Variants in INVS observed in about 807,000 individuals in gnomAD.
INVS encodes the protein inversin.
A neutral mutation model predicts 108.8 loss-of-function variants in INVS; 86 were observed. The observed-to-expected ratio is 0.79, with a 90% CI of 0.66 to 0.95. The LOEUF is 0.95. Among genes scored for constraint, INVS ranks in the 40% least tolerant of loss-of-function variants. The pLI is 0.00. For missense variants in INVS, 1,169 were observed against 1,297.4 expected (o/e 0.90, Z 1.52); for synonymous variants, 455 against 473.5 (o/e 0.96, Z 0.51).
chr9:100,245,368 C>T (rs953834649), intron 7 of INVS, among the ~76,000 whole-genome samples: 8 of 152,306 alleles, frequency 5.3e-5, no homozygotes, highest in Middle Eastern at 3.4e-3. Flanking sequence ...CAACCTCCGT[C>T]TCCCGGGTTC....
At chr9:100,194,370 T>C (rs915109462) in intron 3 of INVS, among the ~76,000 whole-genome samples, 3 of 152,250 alleles carry the variant, frequency 2.0e-5, no homozygotes, top group Non-Finnish European at 4.4e-5. Context: ...TTGTCATTTG[T>C]AGGTCTTTGA....
At position 100,100,928 on chromosome 9, in the gene INVS, A is replaced by AT. The variant is rs1163636437; in HGVS notation, c.-25+1512_-25+1513insT. ...GTATATATATTATATGTATATATAT[A>AT]ATATATATAATATATATACATATAT... On this transcript the variant is annotated intron_variant, in intron 1 of 16. Coordinates refer to ENST00000262457, the MANE Select transcript of INVS (RefSeq NM_014425.5). 1.0e-3 allele frequency among the ~76,000 whole-genome samples: 24 copies of AT among 23,230 alleles called. 1 individual carries two copies. The highest frequency in any genetic ancestry group is 4.4e-3 in the African/African-American group (14 of 3,204). 15.2% of individuals were successfully genotyped at this position (23,230 alleles called of 152,430 possible). A position where few individuals can be genotyped will look rare whatever the true frequency, so the allele number is the denominator to read the frequency against.
intron 3 of INVS, among the ~76,000 whole-genome samples, chr9:100,188,808 A>G (rs957248723): frequency 3.3e-5 from 5 of 152,058 alleles, no homozygotes; most frequent in African/African-American, 1.2e-4. Context: ...CTGTGAATCC[A>G]TCTGACCTTG....
intron 12 of INVS, among the ~76,000 whole-genome samples, chr9:100,274,722 C>G (rs1833065792): frequency 6.6e-6 from 1 of 152,134 alleles, no homozygotes; most frequent in South Asian, 2.1e-4. Flanking sequence ...CCAGGCTGGT[C>G]TCGAACTCCT....
At chr9:100,143,739 G>A (rs1828508198) in intron 3 of INVS, among the ~76,000 whole-genome samples, 1 of 152,010 alleles carries the variant, frequency 6.6e-6, no homozygotes, top group Non-Finnish European at 1.5e-5. Context: ...TGGCACCAGA[G>A]TTGGGGAGTT....
At chr9:100,259,451 A>T (rs1300549435) in intron 10 of INVS, among the ~76,000 whole-genome samples, 1 of 151,338 alleles carries the variant, frequency 6.6e-6, no homozygotes, top group South Asian at 2.1e-4. Flanking sequence ...AGTGAGATGA[A>T]CCCGGTACCT....
Position 100,252,429 on chromosome 9 carries a change from C to G in INVS, c.1225C>G (p.Leu409Val). The stretch of plus-strand genomic sequence containing the variant: ...GGGACACAAAGATGTGATTCAGACA[C>G]TCATTAAAGGTGGGCTAATAAGAGT... ...EMGHKDVIQTLIKGGARVDLV... is the reference protein window; with the variant it reads ...EMGHKDVIQTVIKGGARVDLV... Residue 409 changes from leucine to valine, a missense_variant, in exon 9 of 17, where the codon CTC (leucine) becomes GTC (valine). Physicochemically the swap from Leu to Val is conservative, Grantham distance 32. Coordinates refer to ENST00000262457, the MANE Select transcript of INVS (RefSeq NM_014425.5). The G allele has an allele frequency of 6.2e-7, 1 of 1,613,812 alleles. No individual in the cohort carries two copies.
At chr9:100,123,564 C>T (rs1425937002) in intron 2 of INVS, among the ~76,000 whole-genome samples, 1 of 152,108 alleles carries the variant, frequency 6.6e-6, no homozygotes, top group East Asian at 1.9e-4. Context: ...AATAATACTG[C>T]AATGGATATT....
intron 2 of INVS, among the ~76,000 whole-genome samples, chr9:100,113,058 A>G (rs1407999844): frequency 6.6e-6 from 1 of 152,240 alleles, no homozygotes; most frequent in Admixed American, 6.5e-5. Context: ...TATAAGTATC[A>G]CTGACTCCAG....
At chr9:100,133,338 ATGTG>A (rs140513551) in intron 3 of INVS, among the ~76,000 whole-genome samples, 36 of 146,542 alleles carry the variant, frequency 2.5e-4, no homozygotes, top group East Asian at 1.2e-3. Flanking sequence ...CCTTTACTTT[ATGTG>A]TGTGTGTGTG....
chr9:100,100,670 ATG>A lies in INVS; in HGVS notation c.-25+1256_-25+1257del, dbSNP rs1236239854. Among the ~76,000 whole-genome samples, 232 of 37,538 alleles carry A rather than the reference ATG, an allele frequency of 6.2e-3. 10 individuals carry two copies. Among genetic ancestry groups the A allele is most frequent in the South Asian group, 7.9e-3 (14 of 1,764 alleles). 24.6% of individuals were successfully genotyped at this position (37,538 alleles called of 152,430 possible). ...TGTATATATAATATATATATTATATATGTACATATAATATATATATTATATAT... is the reference window on the plus strand; with the variant it reads ...TGTATATATAATATATATATTATATATACATATAATATATATATTATATAT... On this transcript the variant is annotated intron_variant, in intron 1 of 16. Transcript: ENST00000262457.
chr9:100,131,662 A>G (rs1177220698), intron 3 of INVS, among the ~76,000 whole-genome samples: 1 of 152,168 alleles, frequency 6.6e-6, no homozygotes, highest in Non-Finnish European at 1.5e-5. Flanking sequence ...AGCTTTAGAA[A>G]TATTAGTATA....
At chr9:100,141,325 T>C (rs1010897435) in intron 3 of INVS, among the ~76,000 whole-genome samples, 2 of 152,144 alleles carry the variant, frequency 1.3e-5, no homozygotes, top group Non-Finnish European at 2.9e-5. Context: ...CCTTTTTAAG[T>C]TGGTGGCTGA....
At chr9:100,158,429 A>C (rs1427028746) in intron 3 of INVS, among the ~76,000 whole-genome samples, 1 of 152,190 alleles carries the variant, frequency 6.6e-6, no homozygotes, top group Admixed American at 6.5e-5. Context: ...ACCTATATTG[A>C]TTCTAGTCCC....
chr9:100,139,713 G>T (rs1554716322), intron 3 of INVS, among the ~76,000 whole-genome samples: 2 of 152,132 alleles, frequency 1.3e-5, no homozygotes, highest in African/African-American at 2.4e-5. Flanking sequence ...TGTGATCAGG[G>T]CTCACTGCAG....
chr9:100,267,624 G>A (rs1832833844), intron 11 of INVS, among the ~76,000 whole-genome samples: 1 of 152,278 alleles, frequency 6.6e-6, no homozygotes, highest in South Asian at 2.1e-4. Flanking sequence ...CTGACTTTCA[G>A]TCAATAACTA....
intron 2 of INVS, among the ~76,000 whole-genome samples, chr9:100,118,052 ATTTTTTCTTT>A (rs1430784676): frequency 3.4e-5 from 5 of 148,060 alleles, no homozygotes; most frequent in African/African-American, 1.3e-4. Flanking sequence ...ACCAAGACAG[ATTTTTTCTTT>A]TTTTTTCTTT....
At chr9:100,252,045 G>T (rs1832254553) in intron 8 of INVS, among the ~76,000 whole-genome samples, 2 of 152,170 alleles carry the variant, frequency 1.3e-5, no homozygotes, top group South Asian at 4.1e-4. Context: ...CAACAGGATG[G>T]AAAGGAAGAA....
At chr9:100,158,869 G>A (rs1036806157) in intron 3 of INVS, among the ~76,000 whole-genome samples, 1 of 152,074 alleles carries the variant, frequency 6.6e-6, no homozygotes, top group African/African-American at 2.4e-5. Flanking sequence ...GTGAATTCTC[G>A]CTCTATTAGT....
Sources: allele counts gnomAD v4.1 joint callset (sites outside exome capture counted in the v4.1 genomes callset), GRCh38; gene constraint gnomAD v4.1.1; transcripts MANE v1.5; gene names NCBI Gene and HGNC (gene_info 2026-07-23, HGNC 2026-07-21).